LRMDA: variants seen among roughly 807,000 people sequenced by gnomAD.
The protein encoded by LRMDA is leucine-rich melanocyte differentiation-associated protein.
A neutral mutation model predicts 29.8 loss-of-function variants in LRMDA; 18 were observed. The observed-to-expected ratio is 0.60, with a 90% CI of 0.42 to 0.90. LRMDA has a LOEUF of 0.90. LRMDA is among the 40% of genes least tolerant of loss of function. The pLI is 0.00. For synonymous variants in LRMDA, 125 were observed against 109.4 expected, an observed-to-expected ratio of 1.14 and a Z score of -0.89; for missense variants, 273 against 273.9, an observed-to-expected ratio of 1.00 and a Z score of 0.02.
At chr10:76,251,226 CTTTTTTTTTTTTTTTTTTTTTTTTT>C (rs558637864) in intron 5 of LRMDA, among the ~76,000 whole-genome samples, 4 of 70,262 alleles carry the variant, frequency 5.7e-5, no homozygotes, top group Non-Finnish European at 1.1e-4. Context: ...CCCGTCGCTT[CTTTTTTTTTTTTTTTTTTTTTTTTT>C]TTTTTTTTTT....
At chr10:75,677,638 C>T (rs901156904) in intron 2 of LRMDA, among the ~76,000 whole-genome samples, 3 of 152,086 alleles carry the variant, frequency 2.0e-5, no homozygotes, top group Non-Finnish European at 2.9e-5. Flanking sequence ...AGTCTCACAC[C>T]GGTTGTTCTT....
At chr10:75,474,469 T>C (rs187690546) in intron 2 of LRMDA, among the ~76,000 whole-genome samples, 51 of 152,280 alleles carry the variant, frequency 3.3e-4, no homozygotes, top group African/African-American at 1.2e-3. Flanking sequence ...TGTGGATCCA[T>C]TCATGAGACT....
chr10:76,055,063 C>CAAAAAAAAAAAAAAAAA (rs531729040), intron 4 of LRMDA, among the ~76,000 whole-genome samples: 10 of 45,898 alleles, frequency 2.2e-4, no homozygotes, highest in African/African-American at 2.7e-4. Context: ...GACTCCATCT[C>CAAAAAAAAAAAAAAAAA]AAAAAAAAAA....
At chr10:76,156,690 G>A (rs187361776) in intron 5 of LRMDA, among the ~76,000 whole-genome samples, 10 of 152,282 alleles carry the variant, frequency 6.6e-5, no homozygotes, top group African/African-American at 2.4e-4. Flanking sequence ...CTTTATGATA[G>A]CATTGACATG....
chr10:76,486,296 C>A (rs1447185073), intron 6 of LRMDA, among the ~76,000 whole-genome samples: 1 of 151,922 alleles, frequency 6.6e-6, no homozygotes, highest in Non-Finnish European at 1.5e-5. Flanking sequence ...TTTGCACAGC[C>A]TTTTCTATAT....
At chr10:75,585,390 T>A (rs566326488) in intron 2 of LRMDA, among the ~76,000 whole-genome samples, 1 of 152,374 alleles carries the variant, frequency 6.6e-6, no homozygotes, top group East Asian at 1.9e-4. Context: ...TTTAAAAAGC[T>A]AATCTGGAAA....
At chr10:75,958,752 G>T (rs1846708784) in intron 2 of LRMDA, among the ~76,000 whole-genome samples, 2 of 152,172 alleles carry the variant, frequency 1.3e-5, no homozygotes, top group South Asian at 4.1e-4. Flanking sequence ...TGCTGATAAA[G>T]ACATACCCGA....
chr10:76,225,189 C>T (rs114056316), intron 5 of LRMDA, among the ~76,000 whole-genome samples: 1,559 of 152,020 alleles, frequency 0.01, 27 homozygotes, highest in African/African-American at 0.032. Flanking sequence ...GCTGGGTAGA[C>T]CACCTGAGGT....
intron 2 of LRMDA, among the ~76,000 whole-genome samples, chr10:75,573,103 C>G (rs1840457283): frequency 6.6e-6 from 1 of 152,202 alleles, no homozygotes; most frequent in Non-Finnish European, 1.5e-5. Flanking sequence ...CCCCAACAGA[C>G]TAATACAGAT....
At chr10:76,022,479 C>A (rs1407986209) in intron 2 of LRMDA, among the ~76,000 whole-genome samples, 2 of 152,188 alleles carry the variant, frequency 1.3e-5, no homozygotes, top group African/African-American at 4.8e-5. Context: ...TGGAGACTAT[C>A]TTGATCTTGT....
intron 6 of LRMDA, among the ~76,000 whole-genome samples, chr10:76,540,862 C>A (rs1843345999): frequency 6.6e-6 from 1 of 152,116 alleles, no homozygotes; most frequent in South Asian, 2.1e-4. Context: ...AGAAAGTTGG[C>A]TTGGGAAGAT....
intron 2 of LRMDA, among the ~76,000 whole-genome samples, chr10:75,705,330 G>C (rs1842353897): frequency 6.6e-6 from 1 of 152,192 alleles, no homozygotes; most frequent in South Asian, 2.1e-4. Context: ...ACCCGAGGAT[G>C]GGAAGTCTAA....
intron 5 of LRMDA, among the ~76,000 whole-genome samples, chr10:76,305,903 G>A (rs1226501068): frequency 6.6e-6 from 1 of 152,110 alleles, no homozygotes; most frequent in Non-Finnish European, 1.5e-5. Flanking sequence ...AAATAAAGGA[G>A]AAAAGATTTT....
chr10:76,397,673 T>C (rs553991471), intron 6 of LRMDA, among the ~76,000 whole-genome samples: 1 of 152,292 alleles, frequency 6.6e-6, no homozygotes, highest in Admixed American at 6.5e-5. Context: ...GCAGTGGCCA[T>C]GGGCCCAGCA....
At chr10:76,054,043 GA>G (rs529901429) in intron 4 of LRMDA, among the ~76,000 whole-genome samples, 1 of 152,212 alleles carries the variant, frequency 6.6e-6, no homozygotes, top group South Asian at 2.1e-4. Flanking sequence ...CTCACTGAAA[GA>G]GCACAGATCT....
intron 2 of LRMDA, among the ~76,000 whole-genome samples, chr10:75,939,574 C>G (rs375585175): frequency 1.3e-5 from 2 of 152,170 alleles, no homozygotes; most frequent in Admixed American, 6.5e-5. Flanking sequence ...TGAGTTCTCA[C>G]TGGGTTGCAT....
chr10:75,987,913 A>G (rs1847288912), intron 2 of LRMDA, among the ~76,000 whole-genome samples: 1 of 152,238 alleles, frequency 6.6e-6, no homozygotes, highest in Non-Finnish European at 1.5e-5. Context: ...ATTTTGAACT[A>G]CAGTGCAATG....
intron 6 of LRMDA, among the ~76,000 whole-genome samples, chr10:76,494,900 T>A (rs964326045): frequency 5.9e-5 from 9 of 151,960 alleles, no homozygotes; most frequent in African/African-American, 1.9e-4. Context: ...CAGTTACTTT[T>A]CTGTCACTGA....
chr10:75,567,442 G>C lies in LRMDA; in HGVS notation c.131+128948G>C, dbSNP rs74147117. On this transcript the variant is annotated intron_variant, in intron 2 of 6. Coordinates refer to ENST00000611255, the MANE Select transcript of LRMDA (RefSeq NM_001305581.2). The stretch of plus-strand genomic sequence containing the variant: ...TCACAGGGATGGATAGTGACTAGCA[G>C]TTGTTTAGGAGCCAGTCTTGGGTTG... 1.5e-3 allele frequency among the ~76,000 whole-genome samples: 228 copies of C among 152,346 alleles called. 1 individual carries two copies. Among genetic ancestry groups the C allele is most frequent in the African/African-American group, 5.1e-3 (213 of 41,574 alleles).
Sources: allele counts gnomAD v4.1 joint callset (sites outside exome capture counted in the v4.1 genomes callset), GRCh38; gene constraint gnomAD v4.1.1; transcripts MANE v1.5; gene names NCBI Gene and HGNC (gene_info 2026-07-23, HGNC 2026-07-21).